ANKRD45: variants seen among roughly 807,000 people sequenced by gnomAD.
ANKRD45 encodes ankyrin repeat domain 45, also known as ankyrin repeat domain-containing protein 45.
ANKRD45 carries 21 observed loss-of-function variants against 28.1 expected under a neutral mutation model. The ratio of observed to expected loss-of-function variants is 0.75; its 90% CI spans 0.53 to 1.08. ANKRD45 has a LOEUF of 1.08. Among genes scored for constraint, ANKRD45 ranks in the 50% least tolerant of loss-of-function variants. ANKRD45 has a pLI of 0.00. For missense variants in ANKRD45, 261 were observed against 308.7 expected (o/e 0.85, Z 1.16); for synonymous variants, 86 against 103.9 (o/e 0.83, Z 1.05).
intron 2 of ANKRD45, among the ~76,000 whole-genome samples, chr1:173,656,938 C>A (rs1481153144): frequency 6.7e-6 from 1 of 149,978 alleles, no homozygotes; most frequent in African/African-American, 2.4e-5. Context: ...GTAATCCCAG[C>A]ACTTTGGGAG....
At chr1:173,655,223 T>C (rs1265509335) in intron 2 of ANKRD45, among the ~76,000 whole-genome samples, 1 of 152,174 alleles carries the variant, frequency 6.6e-6, no homozygotes, top group East Asian at 1.9e-4. Context: ...TCTCCCCATA[T>C]TTGTGGTTTT....
chr1:173,609,008 A>G lies in ANKRD45; in HGVS notation c.*1137T>C, dbSNP rs1349315644. ...AAAAGGGAGAAGGGAGAAGGAGGGT[A>G]AAAAAAAAAAAGGAGCAAACACAGG... is the stretch of plus-strand genomic sequence containing the variant. On this transcript the variant is annotated 3_prime_UTR_variant, in exon 6 of 6. Coordinates refer to ENST00000333279, the MANE Select transcript of ANKRD45 (RefSeq NM_198493.3). Among the ~76,000 whole-genome samples the G allele has an allele frequency of 2.1e-5, 3 of 140,204 alleles. No individual in the cohort carries two copies. Among genetic ancestry groups the G allele is most frequent in the Non-Finnish European group, 4.7e-5 (3 of 63,638 alleles). 92.0% of individuals were successfully genotyped at this position (140,204 alleles called of 152,430 possible).
At position 173,646,971 on chromosome 1, in the gene ANKRD45, T is replaced by A. The variant is rs1479257209; in HGVS notation, c.371A>T (p.Glu124Val). Residue 124 changes from glutamate to valine, a missense_variant, in exon 3 of 6, where the codon GAA becomes GTA. Coordinates refer to ENST00000333279, the MANE Select transcript of ANKRD45 (RefSeq NM_198493.3). ...LHCAAAWGRLETLKALVELDV... is the reference protein window; with the variant it reads ...LHCAAAWGRLVTLKALVELDV... ...CAGTTCTACCAGTGCTTTCAAAGTT[T>A]CCAAACGACCCCAGGCTGCAGCACA... 6.2e-7 allele frequency: 1 copy of A among 1,613,962 alleles called. No homozygotes were observed. The highest frequency in any genetic ancestry group is 1.3e-5 in the African/African-American group (1 of 74,924).
intron 5 of ANKRD45, among the ~76,000 whole-genome samples, chr1:173,613,994 T>G (rs1667347446): frequency 6.6e-6 from 1 of 152,216 alleles, no homozygotes; most frequent in African/African-American, 2.4e-5. Flanking sequence ...CTCTGAAACA[T>G]GTGCTGTGTC....
At position 173,668,856 on chromosome 1, in the gene ANKRD45, G is replaced by A. The variant is rs115511729; in HGVS notation, c.-16+961C>T. 7.2e-3 allele frequency among the ~76,000 whole-genome samples: 1,089 copies of A among 152,290 alleles called. 11 individuals are homozygous for A. Among genetic ancestry groups the A allele is most frequent in the African/African-American group, 0.023 (971 of 41,556 alleles). Reference sequence around the variant, plus strand: ...AGTTTCACAGAGAATATGAGCATTGGAGGGAAGAGGGAAGGCTGGAACTAT... The same window carrying A: ...AGTTTCACAGAGAATATGAGCATTGAAGGGAAGAGGGAAGGCTGGAACTAT... On this transcript the variant is annotated intron_variant, in intron 1 of 5. Coordinates refer to ENST00000333279, the MANE Select transcript of ANKRD45 (RefSeq NM_198493.3).
chr1:173,636,997 AAAG>A (rs747006468), intron 3 of ANKRD45: 17 of 1,535,312 alleles, frequency 1.1e-5, no homozygotes, highest in African/African-American at 1.4e-5. Context: ...ACTGCAAATT[AAAG>A]AAGAAGAGTA....
intron 3 of ANKRD45, among the ~76,000 whole-genome samples, chr1:173,634,534 A>C (rs972928170): frequency 6.6e-6 from 1 of 151,884 alleles, no homozygotes; most frequent in African/African-American, 2.4e-5. Flanking sequence ...CCCTCTCTAC[A>C]CTGCCACCTA....
At chr1:173,634,356 C>T (rs1204361504) in intron 3 of ANKRD45, among the ~76,000 whole-genome samples, 1 of 151,920 alleles carries the variant, frequency 6.6e-6, no homozygotes, top group African/African-American at 2.4e-5. Context: ...TATCTCCCTA[C>T]TAGAAAGTAA....
chr1:173,650,859 T>A (rs940909509), intron 2 of ANKRD45, among the ~76,000 whole-genome samples: 2 of 152,252 alleles, frequency 1.3e-5, no homozygotes, highest in African/African-American at 4.8e-5. Context: ...ATGATGAGTA[T>A]TTTTTCATGT....
At chr1:173,667,874 G>A (rs919506870) in intron 1 of ANKRD45, 15 of 223,030 alleles carry the variant, frequency 6.7e-5, no homozygotes, top group African/African-American at 1.7e-4. Context: ...ATATTGCAAC[G>A]GATAGACTGC....
chr1:173,644,433 C>G (rs905432197), intron 3 of ANKRD45, among the ~76,000 whole-genome samples: 1 of 152,098 alleles, frequency 6.6e-6, no homozygotes, highest in Non-Finnish European at 1.5e-5. Flanking sequence ...CTATGAAACT[C>G]CAATATTAAT....
chr1:173,704,787 T>C, the ANKRD45 span, among the ~76,000 whole-genome samples: 1 of 152,226 alleles, frequency 6.6e-6, no homozygotes, highest in South Asian at 2.1e-4. Context: ...TGGACTCCTC[T>C]GGAAGCATAT....
rs1473634623 is a variant in ANKRD45 at position 173,608,642 on chromosome 1, C to T, written c.*1503G>A. 6.6e-6 allele frequency among the ~76,000 whole-genome samples: 1 copy of T among 150,994 alleles called. No individual in the cohort carries two copies. The highest frequency in any genetic ancestry group is 2.4e-5 in the African/African-American group (1 of 40,904). The stretch of plus-strand genomic sequence containing the variant: ...TGCAAATGTTTATTTTTTCAATTAC[C>T]CAAGCATGGTGGGAGGATCACTTGA... On this transcript the variant is annotated 3_prime_UTR_variant, in exon 6 of 6. Transcript: ENST00000333279.
the ANKRD45 span, among the ~76,000 whole-genome samples, chr1:173,692,016 C>A: frequency 6.6e-6 from 1 of 152,098 alleles, no homozygotes; most frequent in Admixed American, 6.5e-5. Context: ...CAGGGTCGAG[C>A]AGGTAGCAGG....
intron 5 of ANKRD45, among the ~76,000 whole-genome samples, chr1:173,616,212 T>C (rs1358626402): frequency 6.6e-6 from 1 of 152,124 alleles, no homozygotes; most frequent in Non-Finnish European, 1.5e-5. Flanking sequence ...ATTAAAAATA[T>C]TATGCCAAGT....
At chr1:173,693,022 C>T in the ANKRD45 span, among the ~76,000 whole-genome samples, 2 of 151,938 alleles carry the variant, frequency 1.3e-5, no homozygotes, top group Admixed American at 6.5e-5. Flanking sequence ...TGGTGGCTCA[C>T]ACCTGTAATC....
At chr1:173,657,295 C>T (rs1287905413) in intron 2 of ANKRD45, 9 of 318,900 alleles carry the variant, frequency 2.8e-5, no homozygotes, top group Non-Finnish European at 5.1e-5. Flanking sequence ...GGCAAAACCC[C>T]CTCTCCACTA....
At chr1:173,628,221 G>C (rs1024698781) in intron 3 of ANKRD45, among the ~76,000 whole-genome samples, 2 of 150,060 alleles carry the variant, frequency 1.3e-5, no homozygotes, top group African/African-American at 2.5e-5. Flanking sequence ...GGGACTAAGG[G>C]GAGAGACACC....
At chr1:173,663,707 G>A (rs1356977206) in intron 1 of ANKRD45, among the ~76,000 whole-genome samples, 1 of 152,090 alleles carries the variant, frequency 6.6e-6, no homozygotes, top group Admixed American at 6.5e-5. Context: ...ATAATAGCTG[G>A]AGCCTGAAAG....
Sources: allele counts gnomAD v4.1 joint callset (sites outside exome capture counted in the v4.1 genomes callset), GRCh38; gene constraint gnomAD v4.1.1; transcripts MANE v1.5; gene names NCBI Gene and HGNC (gene_info 2026-07-23, HGNC 2026-07-21).